Variants in CHST10 observed in about 807,000 individuals in gnomAD.
CHST10 encodes the protein HNK-1 sulfotransferase.
CHST10 carries 24 observed loss-of-function variants against 34.7 expected under a neutral mutation model. The observed-to-expected ratio is 0.69, with a 90% CI of 0.50 to 0.97. CHST10 has a LOEUF of 0.97. Among genes scored for constraint, CHST10 ranks in the 50% least tolerant of loss-of-function variants. CHST10 has a pLI of 0.00. For missense variants in CHST10, 402 were observed against 452.1 expected, an observed-to-expected ratio of 0.89 and a Z score of 1.00; for synonymous variants, 161 against 169.3, an observed-to-expected ratio of 0.95 and a Z score of 0.38.
intron 3 of CHST10, among the ~76,000 whole-genome samples, chr2:100,404,178 G>A (rs1038107409): frequency 6.6e-6 from 1 of 152,234 alleles, no homozygotes; most frequent in Non-Finnish European, 1.5e-5. Context: ...GGCAGGCTGG[G>A]TAGTGCTGTG....
At chr2:100,400,616 G>A (rs1040726903) in intron 4 of CHST10, among the ~76,000 whole-genome samples, 1 of 152,200 alleles carries the variant, frequency 6.6e-6, no homozygotes, top group Non-Finnish European at 1.5e-5. Flanking sequence ...AATATACAAA[G>A]CCAACTTAAA....
Position 100,392,879 on chromosome 2 carries a change from AC to A in CHST10, c.*365del. Reference sequence around the variant, plus strand: ...GAAGCCACCCTGACTAGCCAGGAGAACCTCAGGGGCATCCCCTTCCTTAACA... The same window carrying A: ...GAAGCCACCCTGACTAGCCAGGAGAACTCAGGGGCATCCCCTTCCTTAACA... On this transcript the variant is annotated 3_prime_UTR_variant, in exon 7 of 7. Coordinates refer to ENST00000264249, the MANE Select transcript of CHST10 (RefSeq NM_004854.5). 1 of 233,058 alleles carries A rather than the reference AC, an allele frequency of 4.3e-6. No individual in the cohort carries two copies. The allele number at this position is 233,058 out of a possible 1,614,324, so 14.4% of individuals were successfully genotyped here.
At position 100,406,578 on chromosome 2, in the gene CHST10, T is replaced by C; in HGVS notation, c.98A>G (p.Asp33Gly). ...KFITLTFKDP[D>G]VYSAKQEFLF... is the part of the protein sequence containing the mutation. ...GTTCCACCATGAAGCATACGTACCA[T>C]CTGGGTCTTTAAAGGTCAACGTGAT... Residue 33 changes from aspartate (D) to glycine (G), a missense_variant and splice_region_variant, in exon 3 of 7, where the codon GAT becomes GGT. Coordinates refer to ENST00000264249, the MANE Select transcript of CHST10 (RefSeq NM_004854.5). 1.2e-6 allele frequency: 2 copies of C among 1,614,160 alleles called. No individual in the cohort carries two copies. The highest frequency in any genetic ancestry group is 1.7e-6 in the Non-Finnish European group (2 of 1,180,034).
At chr2:100,408,415 C>T (rs1675677787) in intron 2 of CHST10, 1 of 152,158 alleles carries the variant, frequency 6.6e-6, no homozygotes. Flanking sequence ...AGCTCTGTGA[C>T]TCCATAAGTC....
Position 100,393,027 on chromosome 2 carries a change from C to G in CHST10, c.*218G>C. Reference sequence around the variant, plus strand: ...AAGGCCAGCGACATCCTAATGCACGCAGGGGTGTGGGCAGGGTCCTCAGAG... The same window carrying G: ...AAGGCCAGCGACATCCTAATGCACGGAGGGGTGTGGGCAGGGTCCTCAGAG... On this transcript the variant is annotated 3_prime_UTR_variant, in exon 7 of 7. Coordinates refer to ENST00000264249, the MANE Select transcript of CHST10 (RefSeq NM_004854.5). The G allele has an allele frequency of 1.7e-6, 1 of 588,174 alleles. No individual in the cohort carries two copies. The highest frequency in any genetic ancestry group is 3.0e-6 in the Non-Finnish European group (1 of 331,678). 36.4% of individuals were successfully genotyped at this position (588,174 alleles called of 1,614,324 possible). A position where few individuals can be genotyped will look rare whatever the true frequency, so the allele number is the denominator to read the frequency against.
intron 6 of CHST10, among the ~76,000 whole-genome samples, chr2:100,394,473 G>A (rs564129904): frequency 9.8e-5 from 15 of 152,320 alleles, no homozygotes; most frequent in African/African-American, 3.4e-4. Context: ...AAAGCCCCAT[G>A]AGTGCTCAGG....
At position 100,393,489 on chromosome 2, in the gene CHST10, A is replaced by G. The variant is rs750360245; in HGVS notation, c.827T>C (p.Met276Thr). 1.1e-5 allele frequency: 17 copies of G among 1,613,784 alleles called. No individual in the cohort carries two copies. The highest frequency in any genetic ancestry group is 6.7e-5 in the East Asian group (3 of 44,860). ...YVELCAPCEI[M>T]YSVIGHHETL... ...CTCGTGGTGTCCAATCACACTGTAC[A>G]TTATCTCACAGGGAGCACAGAGCTC... The change falls in exon 7 of 7, where the codon ATG becomes ACG. Residue 276 changes from methionine to threonine, a missense_variant. Coordinates refer to ENST00000264249, the MANE Select transcript of CHST10 (RefSeq NM_004854.5).
chr2:100,414,567 T>C (rs1196900408), intron 2 of CHST10, among the ~76,000 whole-genome samples: 2 of 152,224 alleles, frequency 1.3e-5, no homozygotes, highest in African/African-American at 4.8e-5. Context: ...AAGTGTGGCA[T>C]ATGAATTTAT....
At chr2:100,401,230 A>C (rs1438124052) in intron 4 of CHST10, among the ~76,000 whole-genome samples, 5 of 152,204 alleles carry the variant, frequency 3.3e-5, no homozygotes. Context: ...TCCAGGGGAT[A>C]CTGACCCAGT....
chr2:100,399,227 TC>T (rs1437962712), intron 4 of CHST10, among the ~76,000 whole-genome samples: 8 of 151,954 alleles, frequency 5.3e-5, no homozygotes, highest in Admixed American at 5.2e-4. Flanking sequence ...CCTCAGCCTC[TC>T]GAGTAGCTGG....
At position 100,417,084 on chromosome 2, in the gene CHST10, C is replaced by A. The variant is rs1010131391; in HGVS notation, c.-104+290G>T. 14 of 1,299,786 alleles carry A rather than the reference C, an allele frequency of 1.1e-5. No individual in the cohort carries two copies. The East Asian group carries it at 7.8e-4, about 72-fold the overall frequency. The allele number at this position is 1,299,786 out of a possible 1,614,324, so 80.5% of individuals were successfully genotyped here. A position where few individuals can be genotyped will look rare whatever the true frequency, so the allele number is the denominator to read the frequency against. On this transcript the variant is annotated intron_variant, in intron 1 of 6. Transcript: ENST00000264249. Reference sequence around the variant, plus strand: ...TCCTCTCTCCATCTACAATTACAAACGCAAATTCTCAGCCAAGGATGAAAG... The same window carrying A: ...TCCTCTCTCCATCTACAATTACAAAAGCAAATTCTCAGCCAAGGATGAAAG...
chr2:100,406,036 C>T (rs1013773609), intron 3 of CHST10, among the ~76,000 whole-genome samples: 1 of 152,192 alleles, frequency 6.6e-6, no homozygotes, highest in African/African-American at 2.4e-5. Context: ...CCCAATTTGG[C>T]GCTCTTTATC....
At chr2:100,399,102 CTTTT>C (rs34834152) in intron 4 of CHST10, among the ~76,000 whole-genome samples, 5 of 137,638 alleles carry the variant, frequency 3.6e-5, no homozygotes, top group East Asian at 2.2e-4. Context: ...CTCTCTCTCT[CTTTT>C]TTTTTTTTTT....
chr2:100,417,123 G>T, intron 1 of CHST10: 1 of 1,182,872 alleles, frequency 8.5e-7, no homozygotes, highest in Non-Finnish European at 1.1e-6. Flanking sequence ...TAAATTGTAG[G>T]CTCGCACAAT....
intron 1 of CHST10, chr2:100,416,688 AAAC>A (rs140248946): frequency 5.1e-3 from 1,610 of 315,544 alleles, no homozygotes; most frequent in Middle Eastern, 7.9e-3. Flanking sequence ...TTTTCAGACA[AAAC>A]AACAACAACA....
intron 4 of CHST10, among the ~76,000 whole-genome samples, chr2:100,400,742 G>A (rs1027095006): frequency 2.0e-5 from 3 of 152,110 alleles, no homozygotes; most frequent in East Asian, 3.9e-4. Context: ...GCAATGGCAC[G>A]ATCTCAGCTC....
intron 5 of CHST10, among the ~76,000 whole-genome samples, chr2:100,397,282 A>G (rs1021787062): frequency 1.3e-5 from 2 of 152,270 alleles, no homozygotes; most frequent in Non-Finnish European, 2.9e-5. Flanking sequence ...TCAAAACTGC[A>G]GTGTATGAGG....
chr2:100,395,113 G>A (rs1674992965), intron 6 of CHST10, among the ~76,000 whole-genome samples: 1 of 152,218 alleles, frequency 6.6e-6, no homozygotes, highest in South Asian at 2.1e-4. Context: ...AGCTCCCACA[G>A]CAGTGGGCAC....
chr2:100,402,818 T>C (rs1280940849), intron 3 of CHST10, among the ~76,000 whole-genome samples, 163 bp from the exon 4 acceptor site: 1 of 152,222 alleles, frequency 6.6e-6, no homozygotes, highest in African/African-American at 2.4e-5. Flanking sequence ...GTCCAACAAA[T>C]GGTGCTGGGG....
Sources: allele counts gnomAD v4.1 joint callset (sites outside exome capture counted in the v4.1 genomes callset), GRCh38; gene constraint gnomAD v4.1.1; transcripts MANE v1.5; gene names NCBI Gene and HGNC (gene_info 2026-07-23, HGNC 2026-07-21).